Variants in TPD52 observed in about 807,000 individuals in gnomAD.
TPD52 encodes tumor protein D52.
Under a neutral mutation model 31.3 loss-of-function variants are expected in TPD52, and 17 were observed. The observed-to-expected ratio is 0.54, with a 90% CI of 0.37 to 0.82. The LOEUF is 0.82. TPD52 is among the 40% of genes least tolerant of loss of function. The pLI, the probability that TPD52 is intolerant of heterozygous loss-of-function variation, is 0.00. For synonymous variants in TPD52, 83 were observed against 89.6 expected (o/e 0.93, Z 0.42); for missense variants, 212 against 240.1 (o/e 0.88, Z 0.77).
At chr8:80,169,714 C>T (rs527692341) in intron 1 of TPD52, among the ~76,000 whole-genome samples, 2 of 152,192 alleles carry the variant, frequency 1.3e-5, no homozygotes, top group Non-Finnish European at 1.5e-5. Flanking sequence ...GCACGTTTGT[C>T]GTCATGTCTC....
intron 1 of TPD52, among the ~76,000 whole-genome samples, chr8:80,152,942 G>A (rs1810687861): frequency 6.6e-6 from 1 of 152,110 alleles, no homozygotes; most frequent in Admixed American, 6.5e-5. Flanking sequence ...AGGGGAGAAA[G>A]AGAGGGTACA....
chr8:80,165,355 C>T (rs1283609197), intron 1 of TPD52, among the ~76,000 whole-genome samples: 1 of 152,206 alleles, frequency 6.6e-6, no homozygotes. Flanking sequence ...TACAGACACA[C>T]TGGCATTTTT....
downstream of TPD52, among the ~76,000 whole-genome samples, chr8:80,034,271 G>A (rs1318974469): frequency 6.6e-6 from 1 of 152,136 alleles, no homozygotes; most frequent in Non-Finnish European, 1.5e-5. Flanking sequence ...AGGCCCCCGA[G>A]AGCACACAGA....
At chr8:80,161,973 C>T (rs920773197) in intron 1 of TPD52, among the ~76,000 whole-genome samples, 1 of 152,144 alleles carries the variant, frequency 6.6e-6, no homozygotes, top group Non-Finnish European at 1.5e-5. Flanking sequence ...AAGTGATCCG[C>T]CCACTTCAGC....
chr8:80,157,147 A>G (rs1378155095), intron 1 of TPD52, among the ~76,000 whole-genome samples: 1 of 152,156 alleles, frequency 6.6e-6, no homozygotes, highest in Non-Finnish European at 1.5e-5. Flanking sequence ...TTTAGTATCT[A>G]TAGTCATCAT....
chr8:80,171,519 C>G lies in TPD52; in HGVS notation c.-76G>C, dbSNP rs1005693625. ...GTCCCGGCTCGGATCGCCCGCCGCG[C>G]CGCGCAGAGCTCCTCCTCGCCTCCG... On this transcript the variant is annotated 5_prime_UTR_variant, in exon 1 of 8. Coordinates refer to ENST00000518937, the MANE Select transcript of TPD52 (RefSeq NM_001025253.3). The G allele has an allele frequency of 2.8e-5, 42 of 1,480,756 alleles. No individual in the cohort carries two copies. The African/African-American group carries it at 5.7e-4, about 20-fold the overall frequency. 91.7% of individuals were successfully genotyped at this position (1,480,756 alleles called of 1,614,324 possible).
At chr8:80,134,694 T>A (rs1809267308) in intron 1 of TPD52, among the ~76,000 whole-genome samples, 1 of 152,186 alleles carries the variant, frequency 6.6e-6, no homozygotes, top group South Asian at 2.1e-4. Flanking sequence ...CAGTAGGAAC[T>A]GAGGCCTCCT....
intron 1 of TPD52, among the ~76,000 whole-genome samples, chr8:80,068,815 T>G (rs1411683383): frequency 6.6e-6 from 1 of 152,216 alleles, no homozygotes; most frequent in Non-Finnish European, 1.5e-5. Context: ...CCCATCAATC[T>G]GAAGATACTT....
In TPD52 at chr8:80,112,306, G is replaced by A. The variant is rs552671139; in HGVS notation, c.20-47713C>T. Among the ~76,000 whole-genome samples the A allele has an allele frequency of 8.0e-4, 122 of 152,246 alleles. 1 individual carries two copies. The highest frequency in any genetic ancestry group is 1.2e-3 in the Non-Finnish European group (82 of 68,012). On this transcript the variant is annotated intron_variant, in intron 1 of 7. Transcript: ENST00000518937. Reference sequence around the variant, plus strand: ...TCATTATTCCCATTTTACAGATGGCGAAACTGAGGCACAGAAAAGGTAAGT... The same window carrying A: ...TCATTATTCCCATTTTACAGATGGCAAAACTGAGGCACAGAAAAGGTAAGT...
Position 80,069,481 on chromosome 8 carries a change from A to AAC in TPD52, c.20-4889_20-4888insGT, listed in dbSNP as rs1586215163. Reference sequence around the variant, plus strand: ...CCCTGTCTCAAAACAACAACAACAAAAATTTTAATAAAAATTTTTAGGGGG... The same window carrying AAC: ...CCCTGTCTCAAAACAACAACAACAAAACAATTTTAATAAAAATTTTTAGGGGG... On this transcript the variant is annotated intron_variant, in intron 1 of 7. Coordinates refer to ENST00000518937, the MANE Select transcript of TPD52 (RefSeq NM_001025253.3). 2.6e-5 allele frequency among the ~76,000 whole-genome samples: 4 copies of AAC among 151,140 alleles called. No individual in the cohort carries two copies. In the East Asian group the frequency reaches 7.8e-4, roughly 29 times the overall value.
At chr8:80,048,320 T>G (rs1020772763) in intron 5 of TPD52, among the ~76,000 whole-genome samples, 8 of 152,242 alleles carry the variant, frequency 5.3e-5, no homozygotes, top group Non-Finnish European at 8.8e-5. Flanking sequence ...AAATAAAAAC[T>G]GTTGCTGAGT....
intron 1 of TPD52, among the ~76,000 whole-genome samples, chr8:80,131,799 C>T (rs1032495353): frequency 1.3e-5 from 2 of 152,090 alleles, no homozygotes; most frequent in African/African-American, 4.8e-5. Flanking sequence ...TACTGAATAG[C>T]GTAAAACTAT....
chr8:80,046,178 CTGTT>C (rs1288575934), intron 5 of TPD52, among the ~76,000 whole-genome samples: 1 of 152,182 alleles, frequency 6.6e-6, no homozygotes, highest in Non-Finnish European at 1.5e-5. Context: ...AGTGACTAGA[CTGTT>C]TATTTTGTGA....
At chr8:80,146,351 T>C (rs2114204) in intron 1 of TPD52, among the ~76,000 whole-genome samples, 78,044 of 152,124 alleles carry the variant, frequency 0.51, 20,583 homozygotes, top group East Asian at 0.78. Flanking sequence ...TCACTGCTTT[T>C]AGTTAGTCTA....
At chr8:80,143,915 A>G (rs1810012340) in intron 1 of TPD52, among the ~76,000 whole-genome samples, 1 of 151,430 alleles carries the variant, frequency 6.6e-6, no homozygotes, top group African/African-American at 2.4e-5. Flanking sequence ...CATGAAACAT[A>G]AAAATTAACA....
intron 1 of TPD52, among the ~76,000 whole-genome samples, chr8:80,125,310 C>T (rs1808527193): frequency 6.6e-6 from 1 of 152,136 alleles, no homozygotes; most frequent in South Asian, 2.1e-4. Flanking sequence ...GAGACCCCCT[C>T]TCTACAAAAA....
At chr8:80,160,568 C>T (rs1057149301) in intron 1 of TPD52, among the ~76,000 whole-genome samples, 6 of 152,166 alleles carry the variant, frequency 3.9e-5, no homozygotes, top group African/African-American at 1.4e-4. Flanking sequence ...CCAAATGTCT[C>T]AGGCAGGCAA....
At chr8:80,155,003 T>TG (rs1033982286) in intron 1 of TPD52, among the ~76,000 whole-genome samples, 1 of 147,436 alleles carries the variant, frequency 6.8e-6, no homozygotes, top group Admixed American at 6.7e-5. Flanking sequence ...GGTTTTTTGT[T>TG]TTTTTTTTTT....
intron 1 of TPD52, 54 bp from the exon 2 acceptor site, chr8:80,064,647 A>C: frequency 7.6e-7 from 1 of 1,311,490 alleles, no homozygotes. Context: ...TAAAATCCCT[A>C]TTTAAGCTCC....
Sources: gnomAD v4.1 joint callset for allele counts (sites outside exome capture counted in the v4.1 genomes callset) on GRCh38, gnomAD v4.1.1 for gene constraint, MANE v1.5 for transcripts, NCBI Gene and HGNC (gene_info 2026-07-23, HGNC 2026-07-21) for gene names.